Variants in ERFE observed in about 807,000 individuals in gnomAD.
ERFE encodes complement C1q tumor necrosis factor-related protein 15.
ERFE carries 25 observed loss-of-function variants against 26.6 expected under a neutral mutation model. That is an observed-to-expected ratio of 0.94 (90% confidence interval 0.69 to 1.31). The LOEUF (loss-of-function observed/expected upper bound fraction) is 1.31, where lower values mean the gene tolerates loss of function less well. ERFE is among the 40% of genes most tolerant of loss of function. The pLI is 0.00. For synonymous variants in ERFE, 206 were observed against 204.5 expected (o/e 1.01, Z -0.06); for missense variants, 447 against 440.2 (o/e 1.02, Z -0.14).
At position 238,165,857 on chromosome 2, in the gene ERFE, G is replaced by A. The variant is rs76680065; in HGVS notation, c.966+173G>A. ...GCCAAGTTCTCACTTTGGTCTGGGC[G>A]CAGCCAGGCTTCAAGTCCTGATCTC... On this transcript the variant is annotated intron_variant, in intron 7 of 7. Coordinates refer to ENST00000546354, the MANE Select transcript of ERFE (RefSeq NM_001291832.2). Among the ~76,000 whole-genome samples the A allele has an allele frequency of 3.9e-3, 597 of 152,328 alleles. 5 individuals carry two copies. The highest frequency in any genetic ancestry group is 0.013 in the African/African-American group (536 of 41,572).
At chr2:238,165,058 G>A (rs1033943401) in intron 6 of ERFE, among the ~76,000 whole-genome samples, 16 of 151,994 alleles carry the variant, frequency 1.1e-4, no homozygotes, top group Admixed American at 2.6e-4. Context: ...CTCCTCAGTC[G>A]CCCTCCCACT....
At chr2:238,166,529 C>T (rs910042342) in intron 7 of ERFE, among the ~76,000 whole-genome samples, 7 of 151,656 alleles carry the variant, frequency 4.6e-5, no homozygotes, top group Admixed American at 1.3e-4. Context: ...TGCATGACCA[C>T]GCTGCTGGTG....
intron 2 of ERFE, 44 bp downstream of exon 2, chr2:238,161,760 C>T (rs1414243305): frequency 6.6e-7 from 1 of 1,505,688 alleles, no homozygotes; most frequent in African/African-American, 1.4e-5. Flanking sequence ...GGGGGTTCCG[C>T]CTCCTCGCTC....
chr2:238,166,821 CA>C (rs1433018611), intron 7 of ERFE, 134 bp from the exon 8 acceptor site: 7 of 721,936 alleles, frequency 9.7e-6, no homozygotes, highest in Non-Finnish European at 1.6e-5. Flanking sequence ...CCTTGGCGGC[CA>C]CATTCTTCTC....
chr2:238,159,697 C>T (rs1352340239), intron 1 of ERFE, among the ~76,000 whole-genome samples: 5 of 152,228 alleles, frequency 3.3e-5, no homozygotes, highest in Middle Eastern at 3.4e-3. Context: ...GGCTTTTGGC[C>T]GTGAGTGGGT....
At chr2:238,164,647 G>T (rs994751708) in intron 6 of ERFE, 33 of 425,692 alleles carry the variant, frequency 7.8e-5, no homozygotes, top group Non-Finnish European at 1.2e-4. Flanking sequence ...GAGGTCAGGA[G>T]ATCGAGACCA....
chr2:238,167,983 T>G lies in ERFE; in HGVS notation c.*929T>G, dbSNP rs900099294. 1.1e-5 allele frequency: 2 copies of G among 186,514 alleles called. No homozygotes were observed. The highest frequency in any genetic ancestry group is 4.7e-5 in the African/African-American group (2 of 42,244). 11.6% of individuals were successfully genotyped at this position (186,514 alleles called of 1,614,324 possible). A position where few individuals can be genotyped will look rare whatever the true frequency, so the allele number is the denominator to read the frequency against. On this transcript the variant is annotated 3_prime_UTR_variant, in exon 8 of 8. Coordinates refer to ENST00000546354, the MANE Select transcript of ERFE (RefSeq NM_001291832.2). Reference sequence around the variant, plus strand: ...TCATCCGAATAGCTGAAGCAGAGTCTTCCACCAGGGGTGCCAGGGCCTGGC... The same window carrying G: ...TCATCCGAATAGCTGAAGCAGAGTCGTCCACCAGGGGTGCCAGGGCCTGGC...
chr2:238,164,706 T>G, intron 6 of ERFE: 3 of 259,760 alleles, frequency 1.2e-5, no homozygotes, highest in East Asian at 1.4e-4. Flanking sequence ...TACAAAAAAT[T>G]ACCCGGGCGT....
rs1466401497 is a variant in ERFE, at chr2:238,158,981, C to T, written c.-27C>T. On this transcript the variant is annotated 5_prime_UTR_variant, in exon 1 of 8. Transcript: ENST00000546354. ...CCCGGGGCGTCCGAGACGCCGCGCT[C>T]GGAGCCGCGAGGGAACCGCCGCCCG... The T allele has an allele frequency of 5.7e-5, 14 of 247,330 alleles. No individual in the cohort carries two copies. In the East Asian group the frequency reaches 6.2e-4, roughly 11 times the overall value. 15.3% of individuals were successfully genotyped at this position (247,330 alleles called of 1,614,324 possible). A position where few individuals can be genotyped will look rare whatever the true frequency, so the allele number is the denominator to read the frequency against.
chr2:238,162,023 C>T (rs1574767647), intron 2 of ERFE, among the ~76,000 whole-genome samples: 3 of 152,356 alleles, frequency 2.0e-5, no homozygotes, highest in Middle Eastern at 3.4e-3. Flanking sequence ...GAGGGGCCTG[C>T]AGGAGTGCCT....
Position 238,167,145 on chromosome 2 carries a change from A to G in ERFE, c.*91A>G. The G allele has an allele frequency of 7.6e-7, 1 of 1,319,258 alleles. No homozygotes were observed. Among genetic ancestry groups the G allele is most frequent in the East Asian group, 2.5e-5 (1 of 39,910 alleles). The allele number at this position is 1,319,258 out of a possible 1,614,324, so 81.7% of individuals were successfully genotyped here. On this transcript the variant is annotated 3_prime_UTR_variant, in exon 8 of 8. Coordinates refer to ENST00000546354, the MANE Select transcript of ERFE (RefSeq NM_001291832.2). ...TGTCAGAGTAGCAGTGGCCACATGG[A>G]GGAGGAGGCCCACCCGGAACTCTGC...
chr2:238,161,863 G>A, intron 2 of ERFE, 147 bp downstream of exon 2: 1 of 1,214,712 alleles, frequency 8.2e-7, no homozygotes, highest in Non-Finnish European at 1.1e-6. Flanking sequence ...AACCCAGGCA[G>A]CCCCAGGGGG....
chr2:238,162,806 C>G lies in ERFE; in HGVS notation c.392C>G (p.Ala131Gly). 6.4e-7 allele frequency: 1 copy of G among 1,550,410 alleles called. No homozygotes were observed. Among genetic ancestry groups the G allele is most frequent in the Non-Finnish European group, 8.7e-7 (1 of 1,146,898 alleles). ...GPPGPIIPPE[A>G]LLKEFQLLLK... is the part of the protein sequence containing the mutation. ...CCAGGCCCCATCATCCCACCCGAGG[C>G]GCTGCTGAAGGAGTTCCAGCTGCTG... Residue 131 changes from alanine (A) to glycine (G), a missense_variant, in exon 3 of 8, where the codon GCG becomes GGG. Physicochemically the swap from Ala to Gly is moderately conservative, Grantham distance 60. Transcript: ENST00000546354.
intron 3 of ERFE, 159 bp from the exon 4 acceptor site, chr2:238,163,578 A>G (rs1692972174): frequency 7.7e-6 from 7 of 908,542 alleles, no homozygotes; most frequent in Non-Finnish European, 8.6e-6. Context: ...TCAGGACGCA[A>G]AGACTCCGAG....
chr2:238,164,450 G>T, intron 6 of ERFE, 90 bp downstream of exon 6: 1 of 1,308,902 alleles, frequency 7.6e-7, no homozygotes, highest in Non-Finnish European at 1.1e-6. Context: ...CGGGGCTTCC[G>T]CCCGTTCACA....
intron 6 of ERFE, 125 bp from the exon 7 acceptor site, chr2:238,165,481 G>A: frequency 1.3e-6 from 1 of 741,260 alleles, no homozygotes. Flanking sequence ...CACCTCCACT[G>A]GAAGACCTGG....
chr2:238,160,310 T>C (rs1486879675), intron 1 of ERFE, among the ~76,000 whole-genome samples: 1 of 152,184 alleles, frequency 6.6e-6, no homozygotes, highest in Non-Finnish European at 1.5e-5. Flanking sequence ...CGCCACCTTC[T>C]GCCTGTTACA....
At chr2:238,165,007 T>C (rs1466042928) in intron 6 of ERFE, among the ~76,000 whole-genome samples, 1 of 152,128 alleles carries the variant, frequency 6.6e-6, no homozygotes, top group Non-Finnish European at 1.5e-5. Context: ...AGCACCAGTG[T>C]TACTTCAAGA....
At position 238,164,209 on chromosome 2, in the gene ERFE, G is replaced by C. The variant is rs996187421; in HGVS notation, c.796+26G>C. The C allele has an allele frequency of 2.8e-6, 4 of 1,429,990 alleles. No homozygotes were observed. In the African/African-American group the frequency reaches 4.5e-5, roughly 16 times the overall value. The allele number at this position is 1,429,990 out of a possible 1,614,324, so 88.6% of individuals were successfully genotyped here. A position where few individuals can be genotyped will look rare whatever the true frequency, so the allele number is the denominator to read the frequency against. ...GTGAGGCCCGGGGCGTGGGAGGATC[G>C]CCCGCTCTGTCGCCCACCCCGCCGC... is the stretch of plus-strand genomic sequence containing the variant. On this transcript the variant is annotated intron_variant, in intron 5 of 7. Coordinates refer to ENST00000546354, the MANE Select transcript of ERFE (RefSeq NM_001291832.2).
Sources: allele counts gnomAD v4.1 joint callset (sites outside exome capture counted in the v4.1 genomes callset), GRCh38; gene constraint gnomAD v4.1.1; transcripts MANE v1.5; gene names NCBI Gene and HGNC (gene_info 2026-07-23, HGNC 2026-07-21).